BLOC1S5: variants seen among roughly 807,000 people sequenced by gnomAD.
The protein encoded by BLOC1S5 is biogenesis of lysosomal organelles complex 1 subunit 5.
BLOC1S5 carries 27 observed loss-of-function variants against 24.3 expected under a neutral mutation model. The ratio of observed to expected loss-of-function variants is 1.11; its 90% CI spans 0.82 to 1.53. BLOC1S5 has a LOEUF of 1.53. Ranked by LOEUF, BLOC1S5 falls within the 40% of genes most tolerant of loss-of-function variation. BLOC1S5 has a pLI of 0.00. For synonymous variants in BLOC1S5, 84 were observed against 74.5 expected, an observed-to-expected ratio of 1.13 and a Z score of -0.66; for missense variants, 239 against 229.4, an observed-to-expected ratio of 1.04 and a Z score of -0.27.
chr6:8,055,155 G>T (rs1764265667), intron 2 of BLOC1S5, among the ~76,000 whole-genome samples: 1 of 152,168 alleles, frequency 6.6e-6, no homozygotes, highest in African/African-American at 2.4e-5. Context: ...GGTTAGGCTG[G>T]GCATGGTGGC....
rs1043961907 is a variant in BLOC1S5, at chr6:8,041,229, A to T, written c.235T>A (p.Leu79Met). The change falls in exon 3 of 5, where the codon TTG (leucine) becomes ATG (methionine). Residue 79 changes from leucine to methionine, a missense_variant. By Grantham distance (15) the Leu-to-Met change is conservative (BLOSUM62 2). Transcript: ENST00000397457. ...GLREMRVLEN[L>M]KNMIHETNEH... is the part of the protein sequence containing the mutation. The stretch of plus-strand genomic sequence containing the variant: ...TTTGTTTCATGGATCATGTTCTTCA[A>T]ATTTTCAAGAACTCGCATTTCTCGA... 36 of 1,612,550 alleles carry T rather than the reference A, an allele frequency of 2.2e-5. No homozygotes were observed. Among genetic ancestry groups the T allele is most frequent in the Non-Finnish European group, 3.1e-5 (36 of 1,179,418 alleles).
At chr6:8,023,249 G>A (rs1762988306) in intron 4 of BLOC1S5, among the ~76,000 whole-genome samples, 1 of 152,148 alleles carries the variant, frequency 6.6e-6, no homozygotes, top group Non-Finnish European at 1.5e-5. Flanking sequence ...CAAATAACTA[G>A]GGAATGTGCA....
chr6:8,063,458 T>G (rs1561874165), intron 1 of BLOC1S5, among the ~76,000 whole-genome samples: 1 of 152,218 alleles, frequency 6.6e-6, no homozygotes, highest in Non-Finnish European at 1.5e-5. Flanking sequence ...TCTAAGACAA[T>G]GTATTATTCA....
intron 3 of BLOC1S5, among the ~76,000 whole-genome samples, chr6:8,039,968 G>A (rs1763622240): frequency 6.6e-6 from 1 of 152,220 alleles, no homozygotes; most frequent in African/African-American, 2.4e-5. Flanking sequence ...AAGCCTCCGA[G>A]CACCACATGG....
chr6:8,041,421 T>A (rs1763680554), intron 2 of BLOC1S5, among the ~76,000 whole-genome samples, 153 bp from the exon 3 acceptor site: 1 of 144,996 alleles, frequency 6.9e-6, no homozygotes, highest in South Asian at 2.2e-4. Flanking sequence ...CAAGTGAGTC[T>A]CCTGCCTCAG....
In BLOC1S5 at chr6:8,021,302, T is replaced by G. The variant is rs577104014; in HGVS notation, c.384+5065A>C. Among the ~76,000 whole-genome samples the G allele has an allele frequency of 2.7e-4, 41 of 152,224 alleles. No homozygotes were observed. In the South Asian group the frequency reaches 6.4e-3, roughly 24 times the overall value. On this transcript the variant is annotated intron_variant, in intron 4 of 4. Transcript: ENST00000397457. ...GGTACAGAGTTTCAGTTTTGCAATATGAACGAGTTCTGTGGGCCGGGTGCG... is the reference window on the plus strand; with the variant it reads ...GGTACAGAGTTTCAGTTTTGCAATAGGAACGAGTTCTGTGGGCCGGGTGCG...
chr6:8,024,973 T>C (rs1233755630), intron 4 of BLOC1S5, among the ~76,000 whole-genome samples: 1 of 152,238 alleles, frequency 6.6e-6, no homozygotes, highest in African/African-American at 2.4e-5. Flanking sequence ...TCTGGTCATC[T>C]TCCTACTATA....
intron 2 of BLOC1S5, among the ~76,000 whole-genome samples, chr6:8,051,519 C>T (rs1581429344): frequency 6.6e-6 from 1 of 152,214 alleles, no homozygotes; most frequent in East Asian, 1.9e-4. Flanking sequence ...ACGATCATTG[C>T]TGAAGTAGCT....
At chr6:8,049,080 A>G (rs1490037106) in intron 2 of BLOC1S5, among the ~76,000 whole-genome samples, 3 of 128,850 alleles carry the variant, frequency 2.3e-5, no homozygotes, top group East Asian at 2.7e-4. Flanking sequence ...GGGAGGGGGG[A>G]AAGAAAGAGG....
chr6:8,015,972 C>A (rs1762719479), intron 4 of BLOC1S5, 144 bp from the exon 5 acceptor site: 2 of 672,858 alleles, frequency 3.0e-6, no homozygotes, highest in South Asian at 2.1e-5. Flanking sequence ...AAAGATGACA[C>A]ATTAGAAACA....
chr6:8,050,679 C>T (rs1313599407), intron 2 of BLOC1S5, among the ~76,000 whole-genome samples: 5 of 151,498 alleles, frequency 3.3e-5, no homozygotes, highest in African/African-American at 4.9e-5. Context: ...CTCGGCTCAC[C>T]GCAACCTCTG....
At position 8,041,655 on chromosome 6, in the gene BLOC1S5, CTTTT is replaced by C. The variant is rs1554139177; in HGVS notation, c.196-391_196-388del. Among the ~76,000 whole-genome samples, 16 of 111,920 alleles carry C rather than the reference CTTTT, an allele frequency of 1.4e-4. 1 individual carries two copies. The highest frequency in any genetic ancestry group is 3.2e-4 in the African/African-American group (10 of 31,078). 73.4% of individuals were successfully genotyped at this position (111,920 alleles called of 152,430 possible). Reference sequence around the variant, plus strand: ...TAGTAATTACTTTCTTTCTTTCTTTCTTTTTTTTTGAGATGCAGTCTCGCCCTGT... The same window carrying C: ...TAGTAATTACTTTCTTTCTTTCTTTCTTTTTGAGATGCAGTCTCGCCCTGT... On this transcript the variant is annotated intron_variant, in intron 2 of 4. Transcript: ENST00000397457.
At chr6:8,040,451 A>C (rs1241408887) in intron 3 of BLOC1S5, among the ~76,000 whole-genome samples, 1 of 152,248 alleles carries the variant, frequency 6.6e-6, no homozygotes, top group African/African-American at 2.4e-5. Flanking sequence ...CAAAATAAAT[A>C]GTTTTTTAAA....
chr6:8,038,432 A>C (rs1279263181), intron 3 of BLOC1S5, among the ~76,000 whole-genome samples: 1 of 152,222 alleles, frequency 6.6e-6, no homozygotes, highest in Non-Finnish European at 1.5e-5. Context: ...TTATCAGAGA[A>C]ATGCAAATCA....
chr6:8,046,048 T>C (rs1763884085), intron 2 of BLOC1S5, among the ~76,000 whole-genome samples: 1 of 152,122 alleles, frequency 6.6e-6, no homozygotes, highest in South Asian at 2.1e-4. Context: ...CCCACCCAAA[T>C]CTCAACTTGA....
At chr6:8,039,630 T>A (rs1763612634) in intron 3 of BLOC1S5, among the ~76,000 whole-genome samples, 1 of 149,508 alleles carries the variant, frequency 6.7e-6, no homozygotes, top group African/African-American at 2.5e-5. Flanking sequence ...GTATTAGCTT[T>A]AAAAAAAAAA....
chr6:8,024,094 G>C (rs963942804), intron 4 of BLOC1S5, among the ~76,000 whole-genome samples: 1 of 152,060 alleles, frequency 6.6e-6, no homozygotes, highest in African/African-American at 2.4e-5. Context: ...ACAAATCTAA[G>C]TCTGCTTACA....
At chr6:8,039,157 T>C (rs1352087230) in intron 3 of BLOC1S5, among the ~76,000 whole-genome samples, 2 of 152,186 alleles carry the variant, frequency 1.3e-5, no homozygotes, top group African/African-American at 2.4e-5. Flanking sequence ...CAGAACTAGA[T>C]GTTATTATGT....
At position 8,054,386 on chromosome 6, in the gene BLOC1S5, T is replaced by C. The variant is rs142898397; in HGVS notation, c.195+8148A>G. 2,008 of 361,288 alleles carry C rather than the reference T, an allele frequency of 5.6e-3. 33 individuals are homozygous for C. Among genetic ancestry groups the C allele is most frequent in the South Asian group, 0.028 (1,309 of 46,584 alleles). 22.4% of individuals were successfully genotyped at this position (361,288 alleles called of 1,614,324 possible). A position where few individuals can be genotyped will look rare whatever the true frequency, so the allele number is the denominator to read the frequency against. ...TTAGTCTTCATTCTGTAAGTAAATA[T>C]ATATTGAATGCTTACCCACTGTTGT... is the stretch of plus-strand genomic sequence containing the variant. On this transcript the variant is annotated intron_variant, in intron 2 of 4. Coordinates refer to ENST00000397457, the MANE Select transcript of BLOC1S5 (RefSeq NM_201280.3).
Sources: gnomAD v4.1 joint callset for allele counts (sites outside exome capture counted in the v4.1 genomes callset) on GRCh38, gnomAD v4.1.1 for gene constraint, MANE v1.5 for transcripts, NCBI Gene and HGNC (gene_info 2026-07-23, HGNC 2026-07-21) for gene names.